GNG7: variants seen among roughly 807,000 people sequenced by gnomAD.
GNG7 encodes the protein G protein subunit gamma 7, also known as guanine nucleotide-binding protein G(I)/G(S)/G(O) subunit gamma-7.
A neutral mutation model predicts 4.0 loss-of-function variants in GNG7; 1 was observed. The observed-to-expected ratio is 0.25, with a 90% CI of 0.09 to 1.18. The LOEUF (loss-of-function observed/expected upper bound fraction) is 1.18, where lower values mean the gene tolerates loss of function less well. Among genes scored for constraint, GNG7 ranks in the 50% most tolerant of loss-of-function variants. The probability of loss-of-function intolerance (pLI) is 0.50; values close to 1 mark genes in which losing one functional copy is unlikely to be tolerated. For missense variants in GNG7, 86 were observed against 91.9 expected (o/e 0.94, Z 0.26); for synonymous variants, 34 against 36.9 (o/e 0.92, Z 0.29).
intron 2 of GNG7, among the ~76,000 whole-genome samples, chr19:2,612,704 GA>G (rs67891812): frequency 0.054 from 6,759 of 124,374 alleles, 1,147 homozygotes; most frequent in African/African-American, 0.23. Context: ...TTTTTTTTGA[GA>G]AATTTTTTTT....
intron 4 of GNG7, among the ~76,000 whole-genome samples, chr19:2,518,353 A>T (rs902798279): frequency 3.9e-5 from 6 of 152,198 alleles, no homozygotes; most frequent in Non-Finnish European, 7.3e-5. Context: ...ACCCACTCGT[A>T]AAAGGAAAAC....
At chr19:2,684,731 G>A (rs1428318146) in intron 1 of GNG7, among the ~76,000 whole-genome samples, 1 of 152,114 alleles carries the variant, frequency 6.6e-6, no homozygotes, top group Non-Finnish European at 1.5e-5. Flanking sequence ...GCTCATGCCT[G>A]TAATCCCAGC....
At chr19:2,683,100 G>A (rs766592501) in intron 1 of GNG7, among the ~76,000 whole-genome samples, 8 of 152,072 alleles carry the variant, frequency 5.3e-5, no homozygotes, top group Admixed American at 2.0e-4. Context: ...TTAGCTGGGC[G>A]TGCTGGCGCA....
chr19:2,661,728 C>T (rs941672333), intron 1 of GNG7, among the ~76,000 whole-genome samples: 1 of 149,710 alleles, frequency 6.7e-6, no homozygotes, highest in Non-Finnish European at 1.5e-5. Flanking sequence ...AAGGAAGGAA[C>T]GACTCATTTG....
At chr19:2,526,892 C>A (rs943305500) in intron 3 of GNG7, among the ~76,000 whole-genome samples, 1 of 151,084 alleles carries the variant, frequency 6.6e-6, no homozygotes, top group Admixed American at 6.6e-5. Context: ...GTCGCCCAGG[C>A]TGGAGTGCAG....
intron 3 of GNG7, chr19:2,538,105 C>CAA (rs764519305): frequency 8.8e-6 from 4 of 455,246 alleles, no homozygotes; most frequent in Admixed American, 4.7e-5. Context: ...CAAAACAAAA[C>CAA]AACAATGAAT....
chr19:2,666,313 CA>C, intron 1 of GNG7, among the ~76,000 whole-genome samples: 1 of 151,966 alleles, frequency 6.6e-6, no homozygotes, highest in Non-Finnish European at 1.5e-5. Context: ...GCTGGGATTA[CA>C]GGCACCTGCC....
intron 3 of GNG7, among the ~76,000 whole-genome samples, chr19:2,553,594 T>G (rs968683585): frequency 6.7e-6 from 1 of 149,040 alleles, no homozygotes; most frequent in African/African-American, 2.4e-5. Flanking sequence ...CACGCACATA[T>G]TACATGCAAT....
chr19:2,579,470 G>C (rs539574807), intron 2 of GNG7, among the ~76,000 whole-genome samples: 1 of 152,340 alleles, frequency 6.6e-6, no homozygotes. Flanking sequence ...AGGAAAGGGC[G>C]CTCCCCATGC....
intron 1 of GNG7, among the ~76,000 whole-genome samples, chr19:2,662,580 A>G (rs1659582252): frequency 6.6e-6 from 1 of 152,206 alleles, no homozygotes; most frequent in Admixed American, 6.5e-5. Context: ...AATATAAAGC[A>G]TATTACAAAG....
chr19:2,576,024 CACACACACAG>C (rs1282367265), intron 2 of GNG7, among the ~76,000 whole-genome samples: 6 of 78,264 alleles, frequency 7.7e-5, no homozygotes, highest in African/African-American at 5.2e-4. Flanking sequence ...GACATGCAGA[CACACACACAG>C]ACACACACAG....
intron 3 of GNG7, among the ~76,000 whole-genome samples, chr19:2,537,093 C>G (rs972266270): frequency 6.6e-6 from 1 of 151,640 alleles, no homozygotes; most frequent in Admixed American, 6.6e-5. Context: ...ACTACAGGTG[C>G]CCGCCACCGC....
At chr19:2,615,864 G>A (rs569539763) in intron 2 of GNG7, among the ~76,000 whole-genome samples, 1 of 152,294 alleles carries the variant, frequency 6.6e-6, no homozygotes, top group South Asian at 2.1e-4. Flanking sequence ...AGGCAGGAGG[G>A]TTCCCTAAGA....
At chr19:2,620,594 TG>T (rs1981842978) in intron 2 of GNG7, among the ~76,000 whole-genome samples, 4 of 152,174 alleles carry the variant, frequency 2.6e-5, no homozygotes, top group African/African-American at 4.8e-5. Flanking sequence ...ACATCCCAGC[TG>T]GGGGTGAGCT....
rs574710487 is a variant in GNG7 at position 2,547,521 on chromosome 19, C to T, written c.-38+7628G>A. On this transcript the variant is annotated intron_variant, in intron 3 of 4. Transcript: ENST00000382159. ...GTGAGGTCACTGCGCCCCCCCACCCCGGATCATCCACGGTGGTGCTCTCAT... is the reference window on the plus strand; with the variant it reads ...GTGAGGTCACTGCGCCCCCCCACCCTGGATCATCCACGGTGGTGCTCTCAT... 1.2e-4 allele frequency among the ~76,000 whole-genome samples: 18 copies of T among 152,286 alleles called. No homozygotes were observed. The East Asian group carries it at 1.7e-3, about 15-fold the overall frequency.
chr19:2,693,573 G>T (rs762928835), intron 1 of GNG7, among the ~76,000 whole-genome samples: 5 of 152,100 alleles, frequency 3.3e-5, no homozygotes, highest in Non-Finnish European at 7.4e-5. Context: ...GCAAACCAGG[G>T]TCTCTCCCCT....
intron 2 of GNG7, chr19:2,630,607 A>G (rs946084282): frequency 2.0e-5 from 3 of 152,006 alleles, no homozygotes; most frequent in Non-Finnish European, 4.4e-5. Context: ...GAAACAGTCT[A>G]TCAACCACAA....
intron 2 of GNG7, among the ~76,000 whole-genome samples, chr19:2,619,591 A>C (rs1169541804): frequency 1.3e-5 from 2 of 152,180 alleles, no homozygotes; most frequent in Non-Finnish European, 2.9e-5. Flanking sequence ...AGCCATGAAA[A>C]GGAACAAGGC....
At chr19:2,545,114 C>T (rs1347879040) in intron 3 of GNG7, among the ~76,000 whole-genome samples, 1 of 151,902 alleles carries the variant, frequency 6.6e-6, no homozygotes, top group Non-Finnish European at 1.5e-5. Flanking sequence ...CTTGGGGGTC[C>T]GTGGAATCCC....
Sources: gnomAD v4.1 joint callset for allele counts (sites outside exome capture counted in the v4.1 genomes callset) on GRCh38, gnomAD v4.1.1 for gene constraint, MANE v1.5 for transcripts, NCBI Gene and HGNC (gene_info 2026-07-23, HGNC 2026-07-21) for gene names.